The following TRPC4AP variants were observed in gnomAD, a reference collection of about 807,000 sequenced individuals.
TRPC4AP encodes transient receptor potential cation channel subfamily C member 4 associated protein.
In TRPC4AP, 45 loss-of-function variants were observed where a neutral mutation model predicts 99.0. That is an observed-to-expected ratio of 0.45 (90% CI 0.36 to 0.58). The LOEUF (loss-of-function observed/expected upper bound fraction) is 0.58, where lower values mean the gene tolerates loss of function less well. Ranked by LOEUF, TRPC4AP falls within the 20% of genes least tolerant of loss-of-function variation. The pLI is 0.00. For synonymous variants in TRPC4AP, 408 were observed against 385.8 expected (o/e 1.06, Z -0.67); for missense variants, 879 against 985.3 (o/e 0.89, Z 1.44).
At chr20:35,037,148 C>T (rs1329792789) in intron 7 of TRPC4AP, among the ~76,000 whole-genome samples, 1 of 152,004 alleles carries the variant, frequency 6.6e-6, no homozygotes, top group Non-Finnish European at 1.5e-5. Flanking sequence ...AGATCGAGAC[C>T]ATCCTGGCTA....
At chr20:35,045,159 G>A (rs968957745) in intron 6 of TRPC4AP, among the ~76,000 whole-genome samples, 41 of 152,072 alleles carry the variant, frequency 2.7e-4, no homozygotes, top group African/African-American at 8.5e-4. Context: ...TCTCCCTGCA[G>A]ACGTAAACAT....
chr20:35,020,209 G>A (rs1029437166), intron 9 of TRPC4AP, among the ~76,000 whole-genome samples: 1 of 152,144 alleles, frequency 6.6e-6, no homozygotes, highest in Admixed American at 6.5e-5. Context: ...GCCCTATTAT[G>A]AGGGCCCCTA....
intron 1 of TRPC4AP, among the ~76,000 whole-genome samples, chr20:35,083,219 T>A (rs1459660549): frequency 6.6e-6 from 1 of 152,158 alleles, no homozygotes; most frequent in Admixed American, 6.6e-5. Flanking sequence ...TAAATGCAGT[T>A]TTAAAAACAC....
At chr20:35,018,197 G>C (rs761341569) in intron 9 of TRPC4AP, among the ~76,000 whole-genome samples, 1 of 152,204 alleles carries the variant, frequency 6.6e-6, no homozygotes, top group Non-Finnish European at 1.5e-5. Context: ...TGGGAAGAGA[G>C]GGGCCTTCTA....
intron 7 of TRPC4AP, among the ~76,000 whole-genome samples, chr20:35,040,060 TAC>T (rs1423424352): frequency 2.0e-5 from 3 of 152,034 alleles, no homozygotes; most frequent in Non-Finnish European, 4.4e-5. Flanking sequence ...CAGCTTTCCA[TAC>T]AGTTATGGAC....
chr20:35,050,025 G>C (rs367772252), intron 5 of TRPC4AP, 31 bp from the exon 6 acceptor site: 4 of 1,602,810 alleles, frequency 2.5e-6, no homozygotes, highest in Non-Finnish European at 3.4e-6. Context: ...AGAATAGGTT[G>C]TAAGTACAAA....
chr20:35,070,042 A>C (rs958601655), intron 2 of TRPC4AP, among the ~76,000 whole-genome samples: 1 of 152,180 alleles, frequency 6.6e-6, no homozygotes, highest in Admixed American at 6.5e-5. Flanking sequence ...AAGGAGAAGA[A>C]ATGAGGCCAA....
chr20:35,044,717 A>G lies in TRPC4AP; in HGVS notation c.658-5T>C. The G allele has an allele frequency of 9.3e-6, 15 of 1,613,426 alleles. No individual in the cohort carries two copies. The highest frequency in any genetic ancestry group is 1.3e-5 in the Non-Finnish European group (15 of 1,179,422). ...TTCATCTAGTCGGATCATTTCCTACAGAAGACAAAAATGAAACAATCCCCA... is the reference window on the plus strand; with the variant it reads ...TTCATCTAGTCGGATCATTTCCTACGGAAGACAAAAATGAAACAATCCCCA... On this transcript the variant is annotated splice_region_variant and splice_polypyrimidine_tract_variant and intron_variant, in intron 6 of 18. Coordinates refer to ENST00000252015, the MANE Select transcript of TRPC4AP (RefSeq NM_015638.3).
At chr20:35,078,554 T>C (rs1265525090) in intron 1 of TRPC4AP, among the ~76,000 whole-genome samples, 1 of 151,994 alleles carries the variant, frequency 6.6e-6, no homozygotes, top group Non-Finnish European at 1.5e-5. Flanking sequence ...GTTAAGCCCA[T>C]AAAAGGCAGA....
At chr20:35,041,698 A>G (rs2083449622) in intron 7 of TRPC4AP, among the ~76,000 whole-genome samples, 1 of 152,236 alleles carries the variant, frequency 6.6e-6, no homozygotes, top group Admixed American at 6.5e-5. Context: ...AAAGCAATCA[A>G]TACTAACAGG....
At chr20:35,013,820 C>T (rs2082691074) in intron 10 of TRPC4AP, among the ~76,000 whole-genome samples, 1 of 152,152 alleles carries the variant, frequency 6.6e-6, no homozygotes, top group Non-Finnish European at 1.5e-5. Context: ...GGAGCATGTA[C>T]ACTTGGTGAA....
chr20:35,030,657 C>T (rs991022130), intron 8 of TRPC4AP, among the ~76,000 whole-genome samples: 3 of 152,176 alleles, frequency 2.0e-5, no homozygotes, highest in Admixed American at 6.5e-5. Context: ...CCTAGGGATT[C>T]AAGTTGCAAT....
chr20:35,086,533 G>A lies in TRPC4AP; in HGVS notation c.168+6081C>T, dbSNP rs868421330. 4.0e-3 allele frequency among the ~76,000 whole-genome samples: 295 copies of A among 73,476 alleles called. 28 individuals carry two copies. Among genetic ancestry groups the A allele is most frequent in the African/African-American group, 0.021 (277 of 13,436 alleles). The allele number at this position is 73,476 out of a possible 152,430, so 48.2% of individuals were successfully genotyped here. A position where few individuals can be genotyped will look rare whatever the true frequency, so the allele number is the denominator to read the frequency against. On this transcript the variant is annotated intron_variant, in intron 1 of 18. Coordinates refer to ENST00000252015, the MANE Select transcript of TRPC4AP (RefSeq NM_015638.3). ...TGTGTGTGTGTGTATATATGTGTGTGTGTGTGTGTGTGTGTGTGTGTGTGT... is the reference window on the plus strand; with the variant it reads ...TGTGTGTGTGTGTATATATGTGTGTATGTGTGTGTGTGTGTGTGTGTGTGT...
Position 35,049,936 on chromosome 20 carries a change from G to A in TRPC4AP, c.587C>T (p.Thr196Ile). The change falls in exon 6 of 19, where the codon ACA becomes ATA. Residue 196 changes from threonine to isoleucine, a missense_variant. By Grantham distance (89) the Thr-to-Ile change is moderately conservative. Around this residue, in one of 3 missense-constraint regions of TRPC4AP, gnomAD observed 603 missense variants for 631.8 expected, o/e 0.95. Coordinates refer to ENST00000252015, the MANE Select transcript of TRPC4AP (RefSeq NM_015638.3). ...GAATGTCTTCTTACTTGTCATCAAT[G>A]TAAACAGGAAGATCACAAAGTCATT... ...EKNDFVIFLF[T>I]LMTSKKTFLQ... is the part of the protein sequence containing the mutation. 6.2e-7 allele frequency: 1 copy of A among 1,614,016 alleles called. No homozygotes were observed. The highest frequency in any genetic ancestry group is 8.5e-7 in the Non-Finnish European group (1 of 1,179,946).
Position 35,021,248 on chromosome 20 carries a change from T to C in TRPC4AP, c.1160A>G (p.Tyr387Cys). 1 of 1,614,186 alleles carries C rather than the reference T, an allele frequency of 6.2e-7. No homozygotes were observed. Among genetic ancestry groups the C allele is most frequent in the Non-Finnish European group, 8.5e-7 (1 of 1,180,048 alleles). ...QSMKIMHEIM[Y>C]KLEVLYVLCV... ...GAGGACATAGAGCACTTCCAGTTTG[T>C]ACATGATCTCATGCATAATCTTCAT... The change falls in exon 9 of 19, where the codon TAC becomes TGC. Residue 387 changes from tyrosine (Y) to cysteine (C), a missense_variant. Physicochemically the swap from Tyr to Cys is radical, Grantham distance 194. This residue lies in a region of TRPC4AP where 603 missense variants were observed against 631.8 expected (regional missense o/e 0.95). Transcript: ENST00000252015.
intron 6 of TRPC4AP, among the ~76,000 whole-genome samples, chr20:35,048,416 G>C (rs8118005): frequency 0.14 from 21,080 of 151,824 alleles, 1,843 homozygotes; most frequent in African/African-American, 0.25. Flanking sequence ...ACTGGGTTTT[G>C]CCATGATGGC....
rs759652143 is a variant in TRPC4AP, at chr20:35,021,264, T to C, written c.1144A>G (p.Met382Val). ...TCCAGTTTGTACATGATCTCATGCA[T>C]AATCTTCATTGACTGGGGCAGCTGG... ...RTQLPQSMKI[M>V]HEIMYKLEVL... The change falls in exon 9 of 19, where the codon ATG becomes GTG. Residue 382 changes from methionine (M) to valine (V), a missense_variant. Physicochemically the swap from Met to Val is conservative, Grantham distance 21 (BLOSUM62 1). Transcript: ENST00000252015. 1 of 1,614,170 alleles carries C rather than the reference T, an allele frequency of 6.2e-7. No homozygotes were observed. The highest frequency in any genetic ancestry group is 8.5e-7 in the Non-Finnish European group (1 of 1,180,028).
In TRPC4AP at chr20:35,086,469, G is replaced by A. The variant is rs139792737; in HGVS notation, c.168+6145C>T. Among the ~76,000 whole-genome samples, 479 of 69,386 alleles carry A rather than the reference G, an allele frequency of 6.9e-3. 13 individuals are homozygous for A. Among genetic ancestry groups the A allele is most frequent in the African/African-American group, 0.017 (369 of 21,674 alleles). The allele number at this position is 69,386 out of a possible 152,430, so 45.5% of individuals were successfully genotyped here. On this transcript the variant is annotated intron_variant, in intron 1 of 18. Transcript: ENST00000252015. ...TGTGTGTGTGTGTGTGTGTGTGTGT[G>A]TGTGTGTATGTGTGTGTATATATAT...
rs149921742 is a variant in TRPC4AP, at chr20:35,044,782, G to A, written c.658-70C>T. ...AAGAGATTGGATGTGCCTCTCTTTC[G>A]CATCCCCTTACATACGGGGCTTAGT... On this transcript the variant is annotated intron_variant, in intron 6 of 18. Coordinates refer to ENST00000252015, the MANE Select transcript of TRPC4AP (RefSeq NM_015638.3). 4.8e-5 allele frequency: 71 copies of A among 1,486,408 alleles called. 1 individual carries two copies. The East Asian group carries it at 8.4e-4, about 18-fold the overall frequency. The allele number at this position is 1,486,408 out of a possible 1,614,324, so 92.1% of individuals were successfully genotyped here. A position where few individuals can be genotyped will look rare whatever the true frequency, so the allele number is the denominator to read the frequency against.
Sources: allele counts gnomAD v4.1 joint callset (sites outside exome capture counted in the v4.1 genomes callset), GRCh38; gene constraint gnomAD v4.1.1; regional missense constraint gnomAD v4.1.1; transcripts MANE v1.5; gene names NCBI Gene and HGNC (gene_info 2026-07-23, HGNC 2026-07-21).